The following RAMP3 variants were observed in gnomAD, a reference collection of about 807,000 sequenced individuals.
The protein encoded by RAMP3 is receptor activity modifying protein 3, also known as receptor activity-modifying protein 3.
RAMP3 carries 14 observed loss-of-function variants against 13.5 expected under a neutral mutation model. That is an observed-to-expected ratio of 1.04 (90% CI 0.69 to 1.63). RAMP3 has a LOEUF of 1.63. RAMP3 is among the 40% of genes most tolerant of loss of function. The pLI, the probability that RAMP3 is intolerant of heterozygous loss-of-function variation, is 0.00. For missense variants in RAMP3, 200 were observed against 204.8 expected (o/e 0.98, Z 0.14); for synonymous variants, 106 against 88.3 (o/e 1.20, Z -1.12).
At chr7:45,160,916 G>A (rs1418448073) in intron 1 of RAMP3, among the ~76,000 whole-genome samples, 1 of 152,206 alleles carries the variant, frequency 6.6e-6, no homozygotes, top group Non-Finnish European at 1.5e-5. Flanking sequence ...ACATTGGGTG[G>A]GTTGTCAGGT....
intron 2 of RAMP3, 53 bp from the exon 3 acceptor site, chr7:45,183,104 A>G: frequency 6.3e-7 from 1 of 1,596,856 alleles, no homozygotes; most frequent in South Asian, 1.1e-5. Flanking sequence ...AGGTCAGGGC[A>G]GGTGTGAGGG....
At chr7:45,163,705 G>T (rs1785906655) in intron 1 of RAMP3, 5 of 985,372 alleles carry the variant, frequency 5.1e-6, no homozygotes, top group Non-Finnish European at 6.0e-6. Context: ...CAGATGGGGA[G>T]ACAAAGGACC....
intron 1 of RAMP3, among the ~76,000 whole-genome samples, chr7:45,170,399 C>A (rs1293261870): frequency 6.8e-6 from 1 of 146,162 alleles, no homozygotes; most frequent in Non-Finnish European, 1.5e-5. Context: ...AGTGCAATGG[C>A]GCAATCTTGG....
rs1785789074 is a variant in RAMP3, at chr7:45,157,891, G to C, written c.58+5G>C. 2.9e-6 allele frequency: 4 copies of C among 1,368,418 alleles called. No homozygotes were observed. The highest frequency in any genetic ancestry group is 2.8e-6 in the Non-Finnish European group (3 of 1,067,038). 84.8% of individuals were successfully genotyped at this position (1,368,418 alleles called of 1,614,324 possible). A position where few individuals can be genotyped will look rare whatever the true frequency, so the allele number is the denominator to read the frequency against. ...CGTTGCTGCTGCTGCTCTGCGGTAA[G>C]GGGGCGACGGCCCGCACCGGGGGCG... On this transcript the variant is annotated splice_donor_5th_base_variant and intron_variant, in intron 1 of 2. Transcript: ENST00000242249.
intron 1 of RAMP3, among the ~76,000 whole-genome samples, chr7:45,169,967 A>T (rs1221655021): frequency 6.6e-6 from 1 of 152,198 alleles, no homozygotes; most frequent in Non-Finnish European, 1.5e-5. Context: ...TTTCATTGAC[A>T]TTATCTAATT....
At chr7:45,162,442 T>G (rs928941202) in intron 1 of RAMP3, among the ~76,000 whole-genome samples, 10 of 152,180 alleles carry the variant, frequency 6.6e-5, no homozygotes, top group African/African-American at 2.4e-4. Context: ...GATGCAGCCC[T>G]GCTTGGCAGA....
chr7:45,165,630 CT>C (rs1785946634), intron 1 of RAMP3, among the ~76,000 whole-genome samples: 1 of 152,194 alleles, frequency 6.6e-6, no homozygotes, highest in African/African-American at 2.4e-5. Context: ...CATCACTATA[CT>C]CAATTATGGA....
intron 1 of RAMP3, among the ~76,000 whole-genome samples, chr7:45,172,402 CCTT>C (rs952871496): frequency 2.6e-5 from 4 of 152,342 alleles, no homozygotes; most frequent in Non-Finnish European, 1.5e-5. Flanking sequence ...TCTTGAATAA[CCTT>C]CTTCATTTGA....
intron 1 of RAMP3, among the ~76,000 whole-genome samples, chr7:45,167,965 A>G (rs1165187263): frequency 6.6e-6 from 1 of 152,140 alleles, no homozygotes; most frequent in East Asian, 1.9e-4. Context: ...CAGCTCATCA[A>G]TTACTGCAAT....
intron 1 of RAMP3, among the ~76,000 whole-genome samples, chr7:45,164,969 G>A (rs1180938690): frequency 6.6e-6 from 1 of 152,006 alleles, no homozygotes; most frequent in Non-Finnish European, 1.5e-5. Context: ...TTATTGATAT[G>A]GTTAGATTTA....
In RAMP3 at chr7:45,157,821, G is replaced by T; in HGVS notation, c.-8G>T. 7.4e-7 allele frequency: 1 copy of T among 1,342,494 alleles called. No homozygotes were observed. The allele number at this position is 1,342,494 out of a possible 1,614,324, so 83.2% of individuals were successfully genotyped here. ...GACCGAGCGTGACCCAGCTGCGGCC[G>T]GCCAGCCATGGAGACTGGAGCGCTG... On this transcript the variant is annotated 5_prime_UTR_variant, in exon 1 of 3. Transcript: ENST00000242249.
intron 1 of RAMP3, among the ~76,000 whole-genome samples, chr7:45,159,895 GT>G (rs1785831036): frequency 6.6e-6 from 1 of 152,316 alleles, no homozygotes; most frequent in South Asian, 2.1e-4. Flanking sequence ...GTGCCTGTGT[GT>G]GCAAGCGTAT....
chr7:45,169,261 A>C (rs1786035664), intron 1 of RAMP3, among the ~76,000 whole-genome samples: 1 of 152,166 alleles, frequency 6.6e-6, no homozygotes, highest in Admixed American at 6.5e-5. Context: ...TTTTGCTGTC[A>C]AGATTATACT....
rs769699743 is a variant in RAMP3, at chr7:45,177,338, G to A, written c.88G>A (p.Glu30Lys). Residue 30 changes from glutamate (E) to lysine (K), a missense_variant, in exon 2 of 3, where the codon GAG (glutamate) becomes AAG (lysine). By Grantham distance (56) the Glu-to-Lys change is moderately conservative. Transcript: ENST00000242249. ...GGCPRAGGCN[E>K]TGMLERLPLC... is the part of the protein sequence containing the mutation. ...GTGTCCCAGAGCAGGCGGCTGCAAC[G>A]AGACAGGCATGTTGGAGAGGCTGCC... 3.7e-6 allele frequency: 6 copies of A among 1,614,060 alleles called. No homozygotes were observed. Among genetic ancestry groups the A allele is most frequent in the Middle Eastern group, 1.6e-4 (1 of 6,082 alleles).
At chr7:45,160,293 TTGCAC>T (rs1785839314) in intron 1 of RAMP3, among the ~76,000 whole-genome samples, 1 of 121,702 alleles carries the variant, frequency 8.2e-6, no homozygotes, top group Non-Finnish European at 1.6e-5. Flanking sequence ...GATCATGCTA[TTGCAC>T]TCCAGCCTGG....
chr7:45,163,653 T>G, intron 1 of RAMP3: 1 of 985,442 alleles, frequency 1.0e-6, no homozygotes. Flanking sequence ...TGCACAATTA[T>G]TAACCAATGG....
chr7:45,175,574 C>T (rs979957871), intron 1 of RAMP3, among the ~76,000 whole-genome samples: 10 of 152,156 alleles, frequency 6.6e-5, no homozygotes, highest in Non-Finnish European at 1.0e-4. Flanking sequence ...TGGGCAGTCA[C>T]GAAGGGAAGA....
chr7:45,183,275 T>G lies in RAMP3; in HGVS notation c.310T>G (p.Cys104Gly). The G allele has an allele frequency of 6.2e-7, 1 of 1,614,058 alleles. No individual in the cohort carries two copies. The highest frequency in any genetic ancestry group is 8.5e-7 in the Non-Finnish European group (1 of 1,180,044). ...CATCCACAGGCAGTTCTTCTCCAAC[T>G]GCACCGTGGACAGGGTCCACTTGGA... Reference protein sequence around the residue: ...TGIHRQFFSNCTVDRVHLEDP... With the variant: ...TGIHRQFFSNGTVDRVHLEDP... Residue 104 changes from cysteine (C) to glycine (G), a missense_variant, in exon 3 of 3, where the codon TGC (cysteine) becomes GGC (glycine). By Grantham distance (159) the Cys-to-Gly change is radical. Coordinates refer to ENST00000242249, the MANE Select transcript of RAMP3 (RefSeq NM_005856.3).
In RAMP3 at chr7:45,177,361, G is replaced by A; in HGVS notation, c.111G>A (p.Leu37=). The A allele has an allele frequency of 6.2e-7, 1 of 1,614,176 alleles. No homozygotes were observed. Among genetic ancestry groups the A allele is most frequent in the Admixed American group, 1.7e-5 (1 of 60,028 alleles). ...ACGAGACAGGCATGTTGGAGAGGCT[G>A]CCCCTGTGTGGGAAGGCTTTCGCAG... The part of the protein sequence containing the change: ...GCNETGMLER[L]PLCGKAFADM... Residue 37 remains leucine (L), a synonymous_variant, in exon 2 of 3, where the codon CTG becomes CTA. Transcript: ENST00000242249.
Sources: allele counts gnomAD v4.1 joint callset (sites outside exome capture counted in the v4.1 genomes callset), GRCh38; gene constraint gnomAD v4.1.1; transcripts MANE v1.5; gene names NCBI Gene and HGNC (gene_info 2026-07-23, HGNC 2026-07-21).